The following CRYBG3 variants were observed in gnomAD, a reference collection of about 807,000 sequenced individuals.
CRYBG3 encodes the protein crystallin beta-gamma domain containing 3.
In CRYBG3, 127 loss-of-function variants were observed where a neutral mutation model predicts 244.2. That is an observed-to-expected ratio of 0.52 (90% CI 0.45 to 0.60). The LOEUF is 0.60. Ranked by LOEUF, CRYBG3 falls within the 20% of genes least tolerant of loss-of-function variation. CRYBG3 has a pLI of 0.00. For synonymous variants in CRYBG3, 1,132 were observed against 1,195.8 expected (o/e 0.95, Z 1.10); for missense variants, 3,325 against 3,442.5 (o/e 0.97, Z 0.85).
chr3:97,908,202 G>A (rs1418492989), intron 15 of CRYBG3, among the ~76,000 whole-genome samples: 2 of 152,146 alleles, frequency 1.3e-5, no homozygotes, highest in African/African-American at 2.4e-5. Flanking sequence ...GTGTTGTGGT[G>A]CTGAAAAAAA....
intron 2 of CRYBG3, among the ~76,000 whole-genome samples, chr3:97,855,638 GT>G (rs1375511622): frequency 6.6e-6 from 1 of 152,106 alleles, no homozygotes; most frequent in Non-Finnish European, 1.5e-5. Flanking sequence ...TTCCTTAAGC[GT>G]CAGCTGGCTT....
At chr3:97,882,157 T>C (rs1157335082) in intron 7 of CRYBG3, among the ~76,000 whole-genome samples, 1 of 151,320 alleles carries the variant, frequency 6.6e-6, no homozygotes, top group Admixed American at 6.6e-5. Context: ...TGCAGTGAGC[T>C]GAGATCATGC....
Position 97,822,133 on chromosome 3 carries a change from G to A in CRYBG3, c.-74G>A, listed in dbSNP as rs537485689. On this transcript the variant is annotated 5_prime_UTR_variant, in exon 1 of 22. Transcript: ENST00000389622. Reference sequence around the variant, plus strand: ...CCCTAGCCGCATCCCGCGGCGCCCGGTCGGGCTCCGGGCACCAGGCAACAC... The same window carrying A: ...CCCTAGCCGCATCCCGCGGCGCCCGATCGGGCTCCGGGCACCAGGCAACAC... 56 of 1,335,868 alleles carry A rather than the reference G, an allele frequency of 4.2e-5. 2 individuals carry two copies. In the Admixed American group the frequency reaches 1.5e-3, roughly 36 times the overall value. The allele number at this position is 1,335,868 out of a possible 1,614,324, so 82.8% of individuals were successfully genotyped here. A position where few individuals can be genotyped will look rare whatever the true frequency, so the allele number is the denominator to read the frequency against.
rs1224396270 is a variant in CRYBG3, at chr3:97,879,147, C to T, written c.6844-557C>T. ...AATCAAGTGGCACCTCTTAACTCTG[C>T]ATTATAAGGCTCCCAAGTTCTGTTT... On this transcript the variant is annotated intron_variant, in intron 4 of 21. Transcript: ENST00000389622. 4.6e-5 allele frequency among the ~76,000 whole-genome samples: 7 copies of T among 152,182 alleles called. No homozygotes were observed. The East Asian group carries it at 1.3e-3, about 29-fold the overall frequency.
rs978790689 is a variant in CRYBG3, at chr3:97,873,366, A to G, written c.2172A>G (p.Glu724=). 8 of 1,535,920 alleles carry G rather than the reference A, an allele frequency of 5.2e-6. No individual in the cohort carries two copies. The highest frequency in any genetic ancestry group is 1.2e-5 in the South Asian group (1 of 84,026). The change falls in exon 4 of 22, where the codon GAA becomes GAG. Residue 724 remains glutamate, a synonymous_variant. Coordinates refer to ENST00000389622, the MANE Select transcript of CRYBG3 (RefSeq NM_153605.4). ...GTCCTCCTCCTTCCTTTTGCCTTGAATATACATCTGCAATTTTTGAATTCA... is the reference window on the plus strand; with the variant it reads ...GTCCTCCTCCTTCCTTTTGCCTTGAGTATACATCTGCAATTTTTGAATTCA... ...RKSPPPSFCL[E]YTSAIFEFKE... is the part of the protein sequence containing the mutation.
chr3:97,881,078 T>C lies in CRYBG3; in HGVS notation c.7011T>C (p.Ile2337=), dbSNP rs369745518. The C allele has an allele frequency of 3.8e-6, 6 of 1,586,732 alleles. No homozygotes were observed. In the African/African-American group the frequency reaches 6.8e-5, roughly 18 times the overall value. ...VLIKVVRGCW[I]LYEKPHFRGQ... ...TGCATTTCTCTTTGTTTAGCTGGAT[T>C]TTATATGAGAAACCACATTTCCGAG... is the stretch of plus-strand genomic sequence containing the variant. The change falls in exon 7 of 22, where the codon ATT becomes ATC. Residue 2337 remains isoleucine, a synonymous_variant. Coordinates refer to ENST00000389622, the MANE Select transcript of CRYBG3 (RefSeq NM_153605.4).
chr3:97,891,050 C>T lies in CRYBG3; in HGVS notation c.7440+1660C>T, dbSNP rs141074196. 1.2e-4 allele frequency among the ~76,000 whole-genome samples: 18 copies of T among 152,062 alleles called. No individual in the cohort carries two copies. In the East Asian group the frequency reaches 2.3e-3, roughly 20 times the overall value. Reference sequence around the variant, plus strand: ...TTTTAGGAAGTTTTGTATTTAAATTCTAGAATTTGCATGTCTGTTTCTTCT... The same window carrying T: ...TTTTAGGAAGTTTTGTATTTAAATTTTAGAATTTGCATGTCTGTTTCTTCT... On this transcript the variant is annotated intron_variant, in intron 10 of 21. Coordinates refer to ENST00000389622, the MANE Select transcript of CRYBG3 (RefSeq NM_153605.4).
Position 97,875,517 on chromosome 3 carries a change from AAC to A in CRYBG3, c.4327_4328del (p.His1443PhefsTer5), listed in dbSNP as rs2039360720. The A allele has an allele frequency of 1.6e-6, 2 of 1,271,166 alleles. No homozygotes were observed. The highest frequency in any genetic ancestry group is 9.9e-7 in the Non-Finnish European group (1 of 1,013,276). The allele number at this position is 1,271,166 out of a possible 1,614,324, so 78.7% of individuals were successfully genotyped here. ...SHKRLDDRVK[T>X]HLFRSEDCNE... ...ATAAACGGTTAGATGATAGGGTAAA[AAC>A]ACATTTATTTCGCAGTGAGGACTGT... On this transcript the variant is annotated frameshift_variant, in exon 4 of 22. Coordinates refer to ENST00000389622, the MANE Select transcript of CRYBG3 (RefSeq NM_153605.4). LOFTEE classifies it high-confidence loss of function.
chr3:97,858,165 G>GTTTTTTTTTTTTTTT (rs71113873), intron 2 of CRYBG3, among the ~76,000 whole-genome samples: 1 of 139,826 alleles, frequency 7.2e-6, no homozygotes. Context: ...TTTTAGTTGA[G>GTTTTTTTTTTTTTTT]TTTTTTTTTT....
At chr3:97,909,657 T>C (rs2039838659) in intron 15 of CRYBG3, among the ~76,000 whole-genome samples, 1 of 151,828 alleles carries the variant, frequency 6.6e-6, no homozygotes, top group Non-Finnish European at 1.5e-5. Flanking sequence ...TTCTAAATTT[T>C]TTTCAAAGTT....
At chr3:97,846,651 A>G (rs189187245) in intron 2 of CRYBG3, among the ~76,000 whole-genome samples, 130 of 152,124 alleles carry the variant, frequency 8.5e-4, no homozygotes, top group African/African-American at 3.0e-3. Flanking sequence ...CTATTTGAAG[A>G]TTTTCAAGCA....
In CRYBG3 at chr3:97,941,267, T is replaced by C; in HGVS notation, c.8625T>C (p.Thr2875=). 3 of 1,610,746 alleles carry C rather than the reference T, an allele frequency of 1.9e-6. No homozygotes were observed. The highest frequency in any genetic ancestry group is 2.5e-6 in the Non-Finnish European group (3 of 1,177,626). Residue 2875 remains threonine, a synonymous_variant, in exon 20 of 22, where the codon ACT becomes ACC. Transcript: ENST00000389622. Reference sequence around the variant, plus strand: ...TTTCTCCCTATAGTGGAAAGAATACTCAGATCTGGTACTACTGCCGAGGAC... The same window carrying C: ...TTTCTCCCTATAGTGGAAAGAATACCCAGATCTGGTACTACTGCCGAGGAC... ...VCISPYSGKN[T]QIWYYCRGLF...
intron 17 of CRYBG3, among the ~76,000 whole-genome samples, chr3:97,923,735 T>C (rs535297735): frequency 6.6e-6 from 1 of 152,214 alleles, no homozygotes; most frequent in African/African-American, 2.4e-5. Context: ...AAATTAAGGG[T>C]ACTTATAAAT....
chr3:97,888,407 C>T lies in CRYBG3; in HGVS notation c.7356C>T (p.Leu2452=). Residue 2452 remains leucine, a synonymous_variant, in exon 9 of 22, where the codon CTC becomes CTT. Transcript: ENST00000389622. ...QATVLEEDHG[L]FEISTAEMKS... is the part of the protein sequence containing the mutation. ...CAGTTCTGGAGGAAGACCATGGGCT[C>T]TTTGAGATTTCTACAGCAGAAATGA... is the stretch of plus-strand genomic sequence containing the variant. 4 of 1,613,056 alleles carry T rather than the reference C, an allele frequency of 2.5e-6. No homozygotes were observed. Among genetic ancestry groups the T allele is most frequent in the Non-Finnish European group, 3.4e-6 (4 of 1,179,278 alleles).
At chr3:97,861,473 G>A (rs577271908) in intron 2 of CRYBG3, among the ~76,000 whole-genome samples, 2 of 152,012 alleles carry the variant, frequency 1.3e-5, no homozygotes, top group African/African-American at 2.4e-5. Flanking sequence ...ATTTTGTTGC[G>A]TTGGGCCCCA....
intron 15 of CRYBG3, among the ~76,000 whole-genome samples, chr3:97,904,730 T>G (rs1303004662): frequency 6.6e-6 from 1 of 151,288 alleles, no homozygotes; most frequent in South Asian, 2.1e-4. Flanking sequence ...GTCTTTTTTT[T>G]ATAATCTTTT....
At position 97,873,106 on chromosome 3, in the gene CRYBG3, G is replaced by C. The variant is rs2108214415; in HGVS notation, c.1912G>C (p.Asp638His). 1 of 1,535,366 alleles carries C rather than the reference G, an allele frequency of 6.5e-7. No individual in the cohort carries two copies. Among genetic ancestry groups the C allele is most frequent in the African/African-American group, 1.4e-5 (1 of 73,116 alleles). The change falls in exon 4 of 22, where the codon GAT becomes CAT. Residue 638 changes from aspartate (D) to histidine (H), a missense_variant. Transcript: ENST00000389622. ...TCCTCAACAAGCTGAAGTATCACCT[G>C]ATGCTAAAACATCTCTTAGCCTTGA... ...ESPQQAEVSPDAKTSLSLDCK... is the reference protein window; with the variant it reads ...ESPQQAEVSPHAKTSLSLDCK...
In CRYBG3 at chr3:97,862,674, G is replaced by A. The variant is rs748414933; in HGVS notation, c.217-1543G>A. On this transcript the variant is annotated intron_variant, in intron 2 of 21. Coordinates refer to ENST00000389622, the MANE Select transcript of CRYBG3 (RefSeq NM_153605.4). ...GGAGAGGGCACAGGTGACTTATAGT[G>A]CCAGCTCTCAGAATGAGCAGAAGGT... 5.8e-4 allele frequency among the ~76,000 whole-genome samples: 89 copies of A among 152,256 alleles called. 1 individual carries two copies. Among genetic ancestry groups the A allele is most frequent in the Non-Finnish European group, 8.8e-4 (60 of 68,014 alleles).
In CRYBG3 at chr3:97,876,049, G is replaced by A; in HGVS notation, c.4855G>A (p.Glu1619Lys). Reference sequence around the variant, plus strand: ...GGGATCAGCTGTCATTTTAGGAATGGAAAAAGCTTATAAGATGAAGGATAC... The same window carrying A: ...GGGATCAGCTGTCATTTTAGGAATGAAAAAAGCTTATAAGATGAAGGATAC... The part of the protein sequence containing the change: ...TEGSAVILGM[E>K]KAYKMKDTEG... The change falls in exon 4 of 22, where the codon GAA becomes AAA. Residue 1619 changes from glutamate to lysine, a missense_variant. This residue lies in a region of CRYBG3 where 635 missense variants were observed against 771.7 expected (regional missense o/e 0.82). Coordinates refer to ENST00000389622, the MANE Select transcript of CRYBG3 (RefSeq NM_153605.4). 1 of 1,232,038 alleles carries A rather than the reference G, an allele frequency of 8.1e-7. No individual in the cohort carries two copies. The highest frequency in any genetic ancestry group is 1.0e-6 in the Non-Finnish European group (1 of 987,936). 76.3% of individuals were successfully genotyped at this position (1,232,038 alleles called of 1,614,324 possible).
Sources: gnomAD v4.1 joint callset for allele counts (sites outside exome capture counted in the v4.1 genomes callset) on GRCh38, gnomAD v4.1.1 for gene constraint, gnomAD v4.1.1 regional missense constraint, MANE v1.5 for transcripts, NCBI Gene and HGNC (gene_info 2026-07-23, HGNC 2026-07-21) for gene names.